The following LRRIQ3 variants were observed in gnomAD, a reference collection of about 807,000 sequenced individuals.
LRRIQ3 encodes the protein leucine-rich repeat and IQ domain-containing protein 3.
A neutral mutation model predicts 59.3 loss-of-function variants in LRRIQ3; 75 were observed. The observed-to-expected ratio is 1.26, with a 90% confidence interval of 1.05 to 1.53. The LOEUF is 1.53. Among genes scored for constraint, LRRIQ3 ranks in the 40% most tolerant of loss-of-function variants. LRRIQ3 has a pLI of 0.00. For missense variants in LRRIQ3, 831 were observed against 710.0 expected (o/e 1.17, Z -1.94); for synonymous variants, 250 against 231.3 (o/e 1.08, Z -0.73).
chr1:74,132,990 T>G (rs1269799428), intron 4 of LRRIQ3, among the ~76,000 whole-genome samples: 1 of 151,956 alleles, frequency 6.6e-6, no homozygotes, highest in Non-Finnish European at 1.5e-5. Flanking sequence ...ATATCCAGAA[T>G]CTACAAAGAA....
intron 3 of LRRIQ3, among the ~76,000 whole-genome samples, chr1:74,164,933 T>TCA (rs796287733): frequency 2.3e-4 from 35 of 151,672 alleles, no homozygotes; most frequent in African/African-American, 8.4e-4. Flanking sequence ...TTTTACTTCA[T>TCA]CAAATTACAT....
intron 7 of LRRIQ3, among the ~76,000 whole-genome samples, chr1:74,039,819 C>A (rs1435677337): frequency 1.3e-5 from 2 of 152,116 alleles, no homozygotes; most frequent in Middle Eastern, 3.2e-3. Context: ...CCGGTACCAG[C>A]CACTGCAAAA....
chr1:74,155,051 A>C (rs1048749881), intron 4 of LRRIQ3, among the ~76,000 whole-genome samples: 2 of 152,210 alleles, frequency 1.3e-5, no homozygotes, highest in Non-Finnish European at 2.9e-5. Flanking sequence ...AAACTTCCTA[A>C]TCTTGCTTTA....
chr1:74,182,733 G>A lies in LRRIQ3; in HGVS notation c.378C>T (p.Ala126=). 1 of 1,612,460 alleles carries A rather than the reference G, an allele frequency of 6.2e-7. No homozygotes were observed. The highest frequency in any genetic ancestry group is 2.2e-5 in the East Asian group (1 of 44,770). The change falls in exon 3 of 8, where the codon GCC becomes GCT. Residue 126 remains alanine (A), a synonymous_variant. Transcript: ENST00000354431. ...TTACTGGACAATCAAACATAGTGAG[G>A]GCAATGAGGGTTGGACAGGCAGATA... ...CVLSACPTLI[A]LTMFDCPVSL...
chr1:74,047,341 A>C (rs932943948), intron 6 of LRRIQ3, among the ~76,000 whole-genome samples: 1 of 152,124 alleles, frequency 6.6e-6, no homozygotes, highest in Non-Finnish European at 1.5e-5. Context: ...CTAACACAAG[A>C]ATAGATAACC....
rs1318288853 is a variant in LRRIQ3, at chr1:74,182,905, T to C, written c.250-44A>G. On this transcript the variant is annotated intron_variant, in intron 2 of 7. Coordinates refer to ENST00000354431, the MANE Select transcript of LRRIQ3 (RefSeq NM_001105659.2). ...TCTTTTAAATTCCAAAATTACTTTT[T>C]TCGAATAGCACAGAAAATGGTAAAA... 5 of 1,103,334 alleles carry C rather than the reference T, an allele frequency of 4.5e-6. No homozygotes were observed. In the African/African-American group the frequency reaches 4.8e-5, roughly 11 times the overall value. The allele number at this position is 1,103,334 out of a possible 1,614,324, so 68.3% of individuals were successfully genotyped here.
chr1:74,047,492 T>A (rs542909860), intron 6 of LRRIQ3, among the ~76,000 whole-genome samples: 6 of 152,070 alleles, frequency 3.9e-5, no homozygotes, highest in Non-Finnish European at 8.8e-5. Flanking sequence ...ACCTAATGTA[T>A]CTGATGGGTT....
Position 74,154,240 on chromosome 1 carries a change from C to CAAAA in LRRIQ3, c.707+1489_707+1492dup, listed in dbSNP as rs71078186. On this transcript the variant is annotated intron_variant, in intron 4 of 7. Coordinates refer to ENST00000354431, the MANE Select transcript of LRRIQ3 (RefSeq NM_001105659.2). ...TGGGCGACAGAGCGAGACTCCTTCT[C>CAAAA]AAAAAAAAAAAAAAAAAAAAAAAAA... 1.2e-3 allele frequency among the ~76,000 whole-genome samples: 70 copies of CAAAA among 57,278 alleles called. 9 individuals are homozygous for CAAAA. The highest frequency in any genetic ancestry group is 3.2e-3 in the African/African-American group (44 of 13,730). The allele number at this position is 57,278 out of a possible 152,430, so 37.6% of individuals were successfully genotyped here.
At chr1:74,118,544 T>C (rs1395705340) in intron 4 of LRRIQ3, among the ~76,000 whole-genome samples, 1 of 152,066 alleles carries the variant, frequency 6.6e-6, no homozygotes, top group African/African-American at 2.4e-5. Context: ...TCTCTCGGTC[T>C]CTTCCCAGCC....
At chr1:74,148,861 T>A (rs1227955314) in intron 4 of LRRIQ3, among the ~76,000 whole-genome samples, 1 of 152,122 alleles carries the variant, frequency 6.6e-6, no homozygotes, top group African/African-American at 2.4e-5. Context: ...TAAGATCAAA[T>A]CTTTGTTACC....
At chr1:74,128,448 A>G (rs1646966897) in intron 4 of LRRIQ3, among the ~76,000 whole-genome samples, 1 of 152,076 alleles carries the variant, frequency 6.6e-6, no homozygotes, top group South Asian at 2.1e-4. Flanking sequence ...ATTCTTTTTA[A>G]TTATTCAATA....
At chr1:74,167,851 T>C (rs1649085852) in intron 3 of LRRIQ3, among the ~76,000 whole-genome samples, 1 of 151,912 alleles carries the variant, frequency 6.6e-6, no homozygotes, top group Admixed American at 6.6e-5. Context: ...CCTCCTTGAC[T>C]AATGGATTTA....
At chr1:74,142,523 C>G (rs898526416) in intron 4 of LRRIQ3, among the ~76,000 whole-genome samples, 1 of 151,882 alleles carries the variant, frequency 6.6e-6, no homozygotes, top group Non-Finnish European at 1.5e-5. Flanking sequence ...AACCATTCTT[C>G]GAGTAGGTAG....
chr1:74,174,122 T>C (rs952273733), intron 3 of LRRIQ3, among the ~76,000 whole-genome samples: 3 of 152,276 alleles, frequency 2.0e-5, no homozygotes, highest in South Asian at 2.1e-4. Flanking sequence ...TTTCTCTCTG[T>C]CTCTCTTAAC....
intron 4 of LRRIQ3, among the ~76,000 whole-genome samples, chr1:74,137,323 C>A (rs1445635195): frequency 2.0e-5 from 3 of 151,752 alleles, no homozygotes; most frequent in Non-Finnish European, 4.4e-5. Flanking sequence ...ATTTATGCGG[C>A]CAAAATACAT....
chr1:74,174,802 G>T (rs1382032428), intron 3 of LRRIQ3, among the ~76,000 whole-genome samples: 1 of 151,890 alleles, frequency 6.6e-6, no homozygotes, highest in Non-Finnish European at 1.5e-5. Flanking sequence ...TTAGTTATTT[G>T]TCAATGTTCT....
intron 5 of LRRIQ3, among the ~76,000 whole-genome samples, chr1:74,091,907 C>T (rs1240729258): frequency 1.3e-5 from 2 of 151,934 alleles, no homozygotes; most frequent in Non-Finnish European, 2.9e-5. Flanking sequence ...ATTCGTTTAC[C>T]TTTGTTTTCA....
intron 4 of LRRIQ3, among the ~76,000 whole-genome samples, chr1:74,122,687 AT>A (rs377511138): frequency 2.4e-4 from 37 of 152,300 alleles, no homozygotes; most frequent in African/African-American, 7.9e-4. Flanking sequence ...TTCAAGATGG[AT>A]TAAAGACTTA....
intron 4 of LRRIQ3, among the ~76,000 whole-genome samples, chr1:74,136,029 C>T (rs974099567): frequency 1.3e-5 from 2 of 151,258 alleles, no homozygotes; most frequent in South Asian, 2.1e-4. Flanking sequence ...GCATATATTA[C>T]GAAAATAAAA....
Sources: gnomAD v4.1 joint callset for allele counts (sites outside exome capture counted in the v4.1 genomes callset) on GRCh38, gnomAD v4.1.1 for gene constraint, MANE v1.5 for transcripts, NCBI Gene and HGNC (gene_info 2026-07-23, HGNC 2026-07-21) for gene names.